Variants in LDLRAD4 observed in about 807,000 individuals in gnomAD.
The protein encoded by LDLRAD4 is low-density lipoprotein receptor class A domain-containing protein 4.
A neutral mutation model predicts 17.0 loss-of-function variants in LDLRAD4; 5 were observed. That is an observed-to-expected ratio of 0.29 (90% confidence interval 0.15 to 0.62). The LOEUF (loss-of-function observed/expected upper bound fraction) is 0.62, where lower values mean the gene tolerates loss of function less well. LDLRAD4 is among the 20% of genes least tolerant of loss of function. The pLI is 0.84. For synonymous variants in LDLRAD4, 168 were observed against 171.8 expected (o/e 0.98, Z 0.17); for missense variants, 340 against 424.7 (o/e 0.80, Z 1.75).
chr18:13,303,867 C>T (rs1259231342), intron 1 of LDLRAD4, among the ~76,000 whole-genome samples: 1 of 152,198 alleles, frequency 6.6e-6, no homozygotes, highest in Non-Finnish European at 1.5e-5. Context: ...CTAAGGAGAT[C>T]CTAGCTGCTC....
intron 3 of LDLRAD4, among the ~76,000 whole-genome samples, chr18:13,566,456 G>A (rs923568762): frequency 1.3e-5 from 2 of 150,326 alleles, no homozygotes; most frequent in Non-Finnish European, 2.9e-5. Context: ...TCCACCTCCT[G>A]GGTTCAAGTG....
In LDLRAD4 at chr18:13,612,889, A is replaced by G. The variant is rs1265044295; in HGVS notation, c.182-8228A>G. ...GAAGAGGAGAAGCTCTTTCTCAAGA[A>G]GTTTCTTTCTACCTAAGAGGGGTCT... is the stretch of plus-strand genomic sequence containing the variant. On this transcript the variant is annotated intron_variant, in intron 3 of 5. Coordinates refer to ENST00000359446, the Ensembl canonical transcript of LDLRAD4. The G allele has an allele frequency of 2.4e-6, 3 of 1,256,706 alleles. No individual in the cohort carries two copies. The African/African-American group carries it at 4.5e-5, about 19-fold the overall frequency. The allele number at this position is 1,256,706 out of a possible 1,614,324, so 77.8% of individuals were successfully genotyped here.
chr18:13,631,369 T>A (rs1459218362), intron 4 of LDLRAD4, among the ~76,000 whole-genome samples: 1 of 152,200 alleles, frequency 6.6e-6, no homozygotes, highest in Non-Finnish European at 1.5e-5. Context: ...ACCAATGGTC[T>A]AAAATCTCCA....
chr18:13,544,022 G>A (rs2094323860), intron 3 of LDLRAD4, among the ~76,000 whole-genome samples: 1 of 152,264 alleles, frequency 6.6e-6, no homozygotes, highest in African/African-American at 2.4e-5. Flanking sequence ...ACGTGCACAT[G>A]CATGCACACA....
chr18:13,557,869 C>T (rs190971319), intron 3 of LDLRAD4, among the ~76,000 whole-genome samples: 2 of 152,304 alleles, frequency 1.3e-5, no homozygotes, highest in Admixed American at 1.3e-4. Context: ...TACCAGACAC[C>T]AGTATGTCCA....
At chr18:13,596,567 A>G (rs547278800) in intron 3 of LDLRAD4, among the ~76,000 whole-genome samples, 2 of 152,280 alleles carry the variant, frequency 1.3e-5, no homozygotes, top group Admixed American at 6.5e-5. Flanking sequence ...ACTCCAATAT[A>G]GCTGTTTTCT....
intron 3 of LDLRAD4, among the ~76,000 whole-genome samples, chr18:13,590,081 ATGTGTGGGTGTGAG>A (rs1406920531): frequency 6.8e-6 from 1 of 146,120 alleles, no homozygotes; most frequent in East Asian, 2.1e-4. Context: ...GTGGGTGTGC[ATGTGTGGGTGTGAG>A]TGTGCATGTG....
intron 3 of LDLRAD4, chr18:13,612,468 A>G (rs1455572680): frequency 2.8e-5 from 37 of 1,304,534 alleles, no homozygotes; most frequent in Non-Finnish European, 3.6e-5. Flanking sequence ...GGTCGGAGCC[A>G]CAGCATTTGA....
chr18:13,558,187 A>G (rs1039844579), intron 3 of LDLRAD4, among the ~76,000 whole-genome samples: 28 of 152,370 alleles, frequency 1.8e-4, no homozygotes, highest in African/African-American at 6.5e-4. Flanking sequence ...AAAATAGACC[A>G]GGGTGAATAT....
At chr18:13,597,636 G>A (rs1206961558) in intron 3 of LDLRAD4, among the ~76,000 whole-genome samples, 2 of 152,022 alleles carry the variant, frequency 1.3e-5, no homozygotes, top group African/African-American at 2.4e-5. Context: ...CTGTTACTCA[G>A]AGTGCACAGT....
chr18:13,278,892 T>C (rs2045065616), intron 1 of LDLRAD4, among the ~76,000 whole-genome samples: 1 of 152,208 alleles, frequency 6.6e-6, no homozygotes, highest in Non-Finnish European at 1.5e-5. Flanking sequence ...CTGAAGCTCT[T>C]GGAGCATAAC....
At chr18:13,579,394 G>A (rs552112498) in intron 3 of LDLRAD4, among the ~76,000 whole-genome samples, 2 of 152,306 alleles carry the variant, frequency 1.3e-5, no homozygotes, top group South Asian at 4.1e-4. Flanking sequence ...TGGAAAATGT[G>A]TAAGTGGGCC....
chr18:13,630,739 A>C (rs1167413090), intron 4 of LDLRAD4, among the ~76,000 whole-genome samples: 1 of 152,198 alleles, frequency 6.6e-6, no homozygotes, highest in Non-Finnish European at 1.5e-5. Context: ...TGCCATGAAG[A>C]ACAGTAAGAA....
chr18:13,364,162 A>G (rs1372790714), intron 1 of LDLRAD4, among the ~76,000 whole-genome samples: 1 of 152,230 alleles, frequency 6.6e-6, no homozygotes, highest in Admixed American at 6.5e-5. Context: ...ATATATATGC[A>G]GAATCATCTG....
At chr18:13,475,204 A>G (rs941006048) in intron 3 of LDLRAD4, among the ~76,000 whole-genome samples, 11 of 152,138 alleles carry the variant, frequency 7.2e-5, no homozygotes, top group Non-Finnish European at 1.6e-4. Flanking sequence ...AGGTTAAACA[A>G]TTCTTTCTCC....
intron 3 of LDLRAD4, among the ~76,000 whole-genome samples, chr18:13,445,766 G>T (rs966430470): frequency 8.1e-5 from 12 of 147,686 alleles, no homozygotes; most frequent in South Asian, 2.2e-4. Context: ...TGCATGTGTG[G>T]GTGTGTGTGT....
intron 1 of LDLRAD4, among the ~76,000 whole-genome samples, chr18:13,321,259 G>A (rs959073350): frequency 2.0e-5 from 3 of 152,190 alleles, no homozygotes; most frequent in Non-Finnish European, 4.4e-5. Flanking sequence ...GCCTATGCGC[G>A]GTTTGGCTGC....
intron 1 of LDLRAD4, among the ~76,000 whole-genome samples, chr18:13,340,077 T>C (rs935634494): frequency 2.0e-5 from 3 of 152,232 alleles, no homozygotes; most frequent in African/African-American, 7.2e-5. Context: ...TGTTCATTTA[T>C]GATGTAGCAT....
At chr18:13,651,014 G>A (rs73415968) in exon 6 of LDLRAD4, 5 of 152,276 alleles carry the variant, frequency 3.3e-5, no homozygotes, top group Admixed American at 2.0e-4. Context: ...GCCACTAGAC[G>A]CTTCTTATTT....
Sources: allele counts gnomAD v4.1 joint callset (sites outside exome capture counted in the v4.1 genomes callset), GRCh38; gene constraint gnomAD v4.1.1; transcripts MANE v1.5; gene names NCBI Gene and HGNC (gene_info 2026-07-23, HGNC 2026-07-21).